PLXDC2: variants seen among roughly 807,000 people sequenced by gnomAD.
The protein encoded by PLXDC2 is plexin domain containing 2.
A neutral mutation model predicts 68.9 loss-of-function variants in PLXDC2; 40 were observed. That is an observed-to-expected ratio of 0.58 (90% CI 0.45 to 0.76). The LOEUF is 0.76. PLXDC2 is among the 30% of genes least tolerant of loss of function. The pLI, the probability that PLXDC2 is intolerant of heterozygous loss-of-function variation, is 0.00. For missense variants in PLXDC2, 644 were observed against 661.9 expected (o/e 0.97, Z 0.30); for synonymous variants, 243 against 234.2 (o/e 1.04, Z -0.34).
chr10:20,240,528 C>A (rs1835500360), intron 12 of PLXDC2, among the ~76,000 whole-genome samples: 1 of 151,806 alleles, frequency 6.6e-6, no homozygotes, highest in African/African-American at 2.4e-5. Context: ...AACTGGAAAC[C>A]AACTAGTGAA....
intron 3 of PLXDC2, among the ~76,000 whole-genome samples, chr10:20,052,578 G>A (rs1006364958): frequency 2.6e-5 from 4 of 151,844 alleles, no homozygotes; most frequent in Non-Finnish European, 5.9e-5. Context: ...TCTTGTTCTC[G>A]TTGACATGAA....
chr10:20,056,719 C>T (rs1416065492), intron 3 of PLXDC2, among the ~76,000 whole-genome samples: 2 of 152,080 alleles, frequency 1.3e-5, no homozygotes, highest in Admixed American at 6.6e-5. Context: ...ATTTGAGTTC[C>T]TATTTCATTA....
intron 1 of PLXDC2, among the ~76,000 whole-genome samples, chr10:19,869,474 G>GT (rs1354796419): frequency 7.9e-6 from 1 of 126,450 alleles, no homozygotes; most frequent in African/African-American, 2.9e-5. Context: ...AGAAAGGGGG[G>GT]GGGGGGAGAG....
At chr10:19,861,905 G>C (rs957680778) in intron 1 of PLXDC2, among the ~76,000 whole-genome samples, 54 of 152,276 alleles carry the variant, frequency 3.5e-4, no homozygotes, top group African/African-American at 7.5e-4. Flanking sequence ...TTCACTCGGA[G>C]AAGGTGTTAT....
At chr10:20,276,860 C>G (rs1207873504) in intron 13 of PLXDC2, among the ~76,000 whole-genome samples, 1 of 152,120 alleles carries the variant, frequency 6.6e-6, no homozygotes, top group African/African-American at 2.4e-5. Context: ...CATCCAAGCC[C>G]TTCCCCGTAC....
At chr10:20,012,319 TTTTTTTTTTTTTTTTGG>T (rs1204917864) in intron 2 of PLXDC2, among the ~76,000 whole-genome samples, 2 of 19,414 alleles carry the variant, frequency 1.0e-4, no homozygotes, top group African/African-American at 1.4e-4. Context: ...TATTTTTTTT[TTTTTTTTTTTTTTTTGG>T]AGAAGGAGAC....
intron 2 of PLXDC2, among the ~76,000 whole-genome samples, chr10:20,021,076 A>G (rs927782372): frequency 4.6e-5 from 7 of 152,242 alleles, no homozygotes; most frequent in African/African-American, 1.7e-4. Context: ...TATACAGTTA[A>G]GCATAGTTAA....
At chr10:20,022,465 G>C (rs1835328923) in intron 2 of PLXDC2, among the ~76,000 whole-genome samples, 1 of 152,212 alleles carries the variant, frequency 6.6e-6, no homozygotes, top group African/African-American at 2.4e-5. Flanking sequence ...GCTGAGGTCA[G>C]AACCCAGAGG....
intron 1 of PLXDC2, among the ~76,000 whole-genome samples, chr10:19,926,845 C>A (rs541933156): frequency 6.6e-6 from 1 of 152,100 alleles, no homozygotes; most frequent in Admixed American, 6.5e-5. Flanking sequence ...CAATGAGAGC[C>A]CTTGACATTT....
At chr10:20,067,353 G>A (rs1166732266) in intron 3 of PLXDC2, among the ~76,000 whole-genome samples, 1 of 152,080 alleles carries the variant, frequency 6.6e-6, no homozygotes, top group Non-Finnish European at 1.5e-5. Context: ...GACACAATAT[G>A]CTAAATTTGG....
intron 4 of PLXDC2, among the ~76,000 whole-genome samples, chr10:20,096,568 A>G (rs1237544379): frequency 6.6e-6 from 1 of 152,120 alleles, no homozygotes; most frequent in African/African-American, 2.4e-5. Flanking sequence ...AAGAAAGAGG[A>G]CAAGTACTCA....
chr10:19,928,909 C>G (rs868730178), intron 1 of PLXDC2, among the ~76,000 whole-genome samples: 1 of 151,694 alleles, frequency 6.6e-6, no homozygotes, highest in South Asian at 2.1e-4. Context: ...CGTGTGCCAC[C>G]ATGTCCAGCT....
At chr10:19,960,349 G>C (rs1034620972) in intron 1 of PLXDC2, among the ~76,000 whole-genome samples, 3 of 151,950 alleles carry the variant, frequency 2.0e-5, no homozygotes, top group Non-Finnish European at 2.9e-5. Context: ...GGGTGACTGA[G>C]TGAGACCCTG....
At chr10:20,198,915 C>T (rs796697467) in intron 9 of PLXDC2, among the ~76,000 whole-genome samples, 34 of 152,110 alleles carry the variant, frequency 2.2e-4, no homozygotes, top group South Asian at 2.1e-4. Context: ...TGATTGGAAG[C>T]GGTGACTGGC....
chr10:20,177,024 A>G lies in PLXDC2; in HGVS notation c.909A>G (p.Glu303=). 1 of 1,610,594 alleles carries G rather than the reference A, an allele frequency of 6.2e-7. No individual in the cohort carries two copies. The highest frequency in any genetic ancestry group is 8.5e-7 in the Non-Finnish European group (1 of 1,178,548). ...ATGTTCGAAGAAGAACAATTTATGAATACCACCGAGTAGAGCTACAAATGT... is the reference window on the plus strand; with the variant it reads ...ATGTTCGAAGAAGAACAATTTATGAGTACCACCGAGTAGAGCTACAAATGT... ...IPNVRRRTIY[E]YHRVELQMSK... The change falls in exon 8 of 14, where the codon GAA becomes GAG. Residue 303 remains glutamate (E), a synonymous_variant. Coordinates refer to ENST00000377252, the MANE Select transcript of PLXDC2 (RefSeq NM_032812.9).
chr10:20,048,260 A>T (rs1312889759), intron 3 of PLXDC2, among the ~76,000 whole-genome samples: 1 of 152,098 alleles, frequency 6.6e-6, no homozygotes, highest in Admixed American at 6.6e-5. Context: ...CTAAATGGAA[A>T]TTAAGAATAG....
intron 1 of PLXDC2, among the ~76,000 whole-genome samples, chr10:19,871,299 T>C (rs1837529643): frequency 6.6e-6 from 1 of 152,222 alleles, no homozygotes; most frequent in South Asian, 2.1e-4. Context: ...TTAACCACAT[T>C]GTGTTGACTT....
intron 1 of PLXDC2, among the ~76,000 whole-genome samples, chr10:19,932,267 CTATT>C (rs1353960999): frequency 2.0e-5 from 3 of 152,236 alleles, no homozygotes; most frequent in East Asian, 1.9e-4. Context: ...TTTCACTCCT[CTATT>C]TATTTTTTTC....
chr10:20,135,756 A>G (rs1250666531), intron 4 of PLXDC2, among the ~76,000 whole-genome samples: 3 of 152,130 alleles, frequency 2.0e-5, no homozygotes, highest in Admixed American at 2.0e-4. Context: ...TTTTTCCCCC[A>G]AGGAATGGTT....
Sources: allele counts gnomAD v4.1 joint callset (sites outside exome capture counted in the v4.1 genomes callset), GRCh38; gene constraint gnomAD v4.1.1; transcripts MANE v1.5; gene names NCBI Gene and HGNC (gene_info 2026-07-23, HGNC 2026-07-21).